Variants in UFD1 observed in about 807,000 individuals in gnomAD.
UFD1 encodes ubiquitin recognition factor in ER associated degradation 1, also known as ubiquitin recognition factor in ER-associated degradation protein 1.
Under a neutral mutation model 45.9 loss-of-function variants are expected in UFD1, and 13 were observed. The observed-to-expected ratio is 0.28, with a 90% CI of 0.18 to 0.45. The LOEUF (loss-of-function observed/expected upper bound fraction) is 0.45, where lower values mean the gene tolerates loss of function less well. Among genes scored for constraint, UFD1 ranks in the 20% least tolerant of loss-of-function variants. UFD1 has a pLI of 1.00. For missense variants in UFD1, 218 were observed against 389.2 expected (o/e 0.56, Z 3.70); for synonymous variants, 128 against 139.2 (o/e 0.92, Z 0.56).
chr22:19,468,335 C>A (rs1015758245), intron 4 of UFD1, among the ~76,000 whole-genome samples: 1 of 152,166 alleles, frequency 6.6e-6, no homozygotes, highest in Non-Finnish European at 1.5e-5. Flanking sequence ...AGCTGTCCCA[C>A]AAGCAAATTA....
intron 11 of UFD1, chr22:19,450,962 C>G (rs2089677081): frequency 8.3e-7 from 1 of 1,209,432 alleles, no homozygotes; most frequent in Non-Finnish European, 1.1e-6. Context: ...ATAGTGAGAT[C>G]CCATCTCTAC....
chr22:19,476,251 G>A (rs2089880263), intron 1 of UFD1, among the ~76,000 whole-genome samples: 1 of 152,064 alleles, frequency 6.6e-6, no homozygotes, highest in South Asian at 2.1e-4. Context: ...CAAAAAAGAG[G>A]GAAAGACATT....
intron 1 of UFD1, 69 bp downstream of exon 1, chr22:19,479,011 CCTG>C: frequency 1.1e-5 from 16 of 1,497,174 alleles, no homozygotes; most frequent in Non-Finnish European, 1.4e-5. Context: ...CCCGCCCCGC[CCTG>C]CCCCGCCGGG....
At chr22:19,462,986 C>T (rs1320542677) in intron 6 of UFD1, among the ~76,000 whole-genome samples, 1 of 152,208 alleles carries the variant, frequency 6.6e-6, no homozygotes, top group Non-Finnish European at 1.5e-5. Context: ...GTAACTGTTG[C>T]TATTCAAAGA....
Position 19,450,523 on chromosome 22 carries a change from A to C in UFD1, c.*147T>G. The C allele has an allele frequency of 9.4e-7, 1 of 1,067,356 alleles. No homozygotes were observed. Among genetic ancestry groups the C allele is most frequent in the Non-Finnish European group, 1.3e-6 (1 of 741,972 alleles). The allele number at this position is 1,067,356 out of a possible 1,614,324, so 66.1% of individuals were successfully genotyped here. On this transcript the variant is annotated 3_prime_UTR_variant, in exon 12 of 12. Transcript: ENST00000263202. ...GTCCTGCTGCTCCACTTCCAAGTCA[A>C]ACTTAATAATTCTTAGGTAACTCTA...
chr22:19,459,345 T>C (rs752132538), intron 6 of UFD1, among the ~76,000 whole-genome samples: 4 of 152,212 alleles, frequency 2.6e-5, no homozygotes, highest in Non-Finnish European at 5.9e-5. Context: ...CCGTGCGTGG[T>C]GGCTCACGCC....
Position 19,450,689 on chromosome 22 carries a change from T to C in UFD1, c.905A>G (p.Lys302Arg). ...CCTCACTTAGGGCTTTCTTCCCTTT[T>C]TACGCAATGACTGTCCTTCTCCAGA... ...AFSGEGQSLR[K>R]KGRKP The change falls in exon 12 of 12, where the codon AAA becomes AGA. Residue 302 changes from lysine to arginine, a missense_variant. Physicochemically the swap from Lys to Arg is conservative, Grantham distance 26. Around this residue, in one of 2 missense-constraint regions of UFD1, gnomAD observed 69 missense variants for 81.7 expected, o/e 0.84. Coordinates refer to ENST00000263202, the MANE Select transcript of UFD1 (RefSeq NM_005659.7). 1 of 1,614,236 alleles carries C rather than the reference T, an allele frequency of 6.2e-7. No homozygotes were observed.
At chr22:19,451,320 C>T in intron 11 of UFD1, 2 of 985,506 alleles carry the variant, frequency 2.0e-6, no homozygotes, top group Non-Finnish European at 2.4e-6. Context: ...GGCCAGTTTT[C>T]TACCAGTGGA....
chr22:19,468,049 C>A, intron 4 of UFD1, 46 bp from the exon 5 acceptor site: 1 of 1,609,072 alleles, frequency 6.2e-7, no homozygotes, highest in Non-Finnish European at 8.5e-7. Flanking sequence ...GATGAAGCAG[C>A]CTCCACAACC....
intron 3 of UFD1, among the ~76,000 whole-genome samples, chr22:19,472,503 G>T (rs1342502962): frequency 2.6e-5 from 4 of 152,236 alleles, no homozygotes; most frequent in Non-Finnish European, 5.9e-5. Flanking sequence ...GGACCTTGAG[G>T]TGTGGGCTGA....
At chr22:19,458,503 G>T (rs1193612198) in intron 6 of UFD1, among the ~76,000 whole-genome samples, 1 of 152,168 alleles carries the variant, frequency 6.6e-6, no homozygotes, top group Admixed American at 6.5e-5. Flanking sequence ...GAGTGCAGTG[G>T]TGCGATCTTG....
At chr22:19,457,358 C>A (rs746111478) in intron 7 of UFD1, among the ~76,000 whole-genome samples, 6 of 152,168 alleles carry the variant, frequency 3.9e-5, no homozygotes, top group African/African-American at 4.8e-5. Context: ...TCTTCCATTT[C>A]GAAAGTTCTG....
At chr22:19,473,943 AG>A (rs1393671278) in intron 3 of UFD1, among the ~76,000 whole-genome samples, 1 of 152,184 alleles carries the variant, frequency 6.6e-6, no homozygotes, top group East Asian at 1.9e-4. Flanking sequence ...TGCCTCACAC[AG>A]GAAGAATTCA....
Position 19,467,907 on chromosome 22 carries a change from G to C in UFD1, c.388C>G (p.Pro130Ala), listed in dbSNP as rs17744624. The C allele has an allele frequency of 0.031, 49,523 of 1,614,122 alleles. 848 individuals are homozygous for C. Among genetic ancestry groups the C allele is most frequent in the African/African-American group, 0.041 (3,080 of 75,032 alleles). ...GGGTTGGTGATGTCCAGGAAGTCAG[G>C]GCTCTGAGGTTGGAATTTGGAGTAG... ...ATYSKFQPQS[P>A]DFLDITNPKA... Residue 130 changes from proline to alanine, a missense_variant, in exon 5 of 12, where the codon CCT becomes GCT. Transcript: ENST00000263202.
intron 8 of UFD1, 84 bp downstream of exon 8, chr22:19,456,769 A>G (rs916300691): frequency 1.2e-5 from 19 of 1,613,436 alleles, no homozygotes; most frequent in Admixed American, 8.3e-5. Flanking sequence ...CACCAACACT[A>G]GCAGAGGCCA....
intron 6 of UFD1, among the ~76,000 whole-genome samples, chr22:19,460,805 G>A (rs1240677883): frequency 6.6e-6 from 1 of 150,882 alleles, no homozygotes; most frequent in Non-Finnish European, 1.5e-5. Flanking sequence ...AGTCCCCCAG[G>A]CTGGAGTGCA....
At chr22:19,469,613 G>A (rs935312216) in intron 4 of UFD1, among the ~76,000 whole-genome samples, 1 of 152,210 alleles carries the variant, frequency 6.6e-6, no homozygotes, top group Non-Finnish European at 1.5e-5. Flanking sequence ...TGGCTACAAG[G>A]AAAAAGGCCA....
chr22:19,451,859 G>A, intron 11 of UFD1: 2 of 985,400 alleles, frequency 2.0e-6, no homozygotes, highest in Non-Finnish European at 2.4e-6. Flanking sequence ...GTGTCTCCTG[G>A]GCCTTCGCCC....
chr22:19,454,854 G>A, intron 10 of UFD1, 24 bp from the exon 11 acceptor site: 1 of 1,603,082 alleles, frequency 6.2e-7, no homozygotes. Context: ...CAGAGACAGA[G>A]AAATGTTATT....
Sources: gnomAD v4.1 joint callset for allele counts (sites outside exome capture counted in the v4.1 genomes callset) on GRCh38, gnomAD v4.1.1 for gene constraint, gnomAD v4.1.1 regional missense constraint, MANE v1.5 for transcripts, NCBI Gene and HGNC (gene_info 2026-07-23, HGNC 2026-07-21) for gene names.